The following PAFAH1B1 variants were observed in gnomAD, a reference collection of about 807,000 sequenced individuals.
The protein encoded by PAFAH1B1 is platelet-activating factor acetylhydrolase IB subunit beta.
In PAFAH1B1, 2 loss-of-function variants were observed where a neutral mutation model predicts 57.5. The ratio of observed to expected loss-of-function variants is 0.03; its 90% CI spans 0.01 to 0.11. The LOEUF is 0.11. Among genes scored for constraint, PAFAH1B1 ranks in the 10% least tolerant of loss-of-function variants. The pLI is 1.00. For synonymous variants in PAFAH1B1, 152 were observed against 169.6 expected (o/e 0.90, Z 0.81); for missense variants, 257 against 512.0 (o/e 0.50, Z 4.81).
At chr17:2,676,958 C>G (rs987362189) in intron 9 of PAFAH1B1, among the ~76,000 whole-genome samples, 1 of 151,860 alleles carries the variant, frequency 6.6e-6, no homozygotes, top group Non-Finnish European at 1.5e-5. Context: ...GTCAGGAGAT[C>G]GAGCTAACTT....
chr17:2,597,796 G>GTC (rs1555520415), intron 1 of PAFAH1B1, among the ~76,000 whole-genome samples: 9 of 151,812 alleles, frequency 5.9e-5, no homozygotes, highest in African/African-American at 9.7e-5. Context: ...GTGTGTGTGT[G>GTC]TGTCTGTCTG....
intron 1 of PAFAH1B1, among the ~76,000 whole-genome samples, chr17:2,622,570 T>C (rs2068437925): frequency 6.6e-6 from 1 of 152,316 alleles, no homozygotes; most frequent in East Asian, 1.9e-4. Flanking sequence ...CTTGGGCAGC[T>C]CTGCTCCTGC....
chr17:2,601,354 C>T (rs373231449), intron 1 of PAFAH1B1, among the ~76,000 whole-genome samples: 15 of 152,066 alleles, frequency 9.9e-5, no homozygotes, highest in East Asian at 9.7e-4. Flanking sequence ...AGGCTGGTCT[C>T]GAACTCCTGA....
intron 2 of PAFAH1B1, among the ~76,000 whole-genome samples, chr17:2,643,929 C>T (rs901068885): frequency 6.6e-6 from 1 of 152,250 alleles, no homozygotes; most frequent in Non-Finnish European, 1.5e-5. Flanking sequence ...AGTACAGTGG[C>T]GCAGTCAGAG....
At chr17:2,617,915 C>CTTT (rs2068368152) in intron 1 of PAFAH1B1, among the ~76,000 whole-genome samples, 1 of 151,284 alleles carries the variant, frequency 6.6e-6, no homozygotes, top group South Asian at 2.1e-4. Flanking sequence ...CAGAGCGAGA[C>CTTT]TCAGTCCCGC....
intron 1 of PAFAH1B1, among the ~76,000 whole-genome samples, chr17:2,604,352 A>C (rs1286343199): frequency 3.3e-5 from 5 of 152,142 alleles, no homozygotes; most frequent in African/African-American, 1.2e-4. Flanking sequence ...TTCTTAATAA[A>C]ATGATTAAAT....
At chr17:2,616,787 G>A (rs2068347229) in intron 1 of PAFAH1B1, among the ~76,000 whole-genome samples, 1 of 152,082 alleles carries the variant, frequency 6.6e-6, no homozygotes, top group African/African-American at 2.4e-5. Flanking sequence ...GGGCAGACCG[G>A]GTGCAGTGGC....
intron 1 of PAFAH1B1, among the ~76,000 whole-genome samples, chr17:2,615,936 A>G (rs946341420): frequency 6.6e-6 from 1 of 152,196 alleles, no homozygotes; most frequent in African/African-American, 2.4e-5. Flanking sequence ...CAAGGAGAGA[A>G]AAGTAAAGAG....
At chr17:2,614,951 T>C (rs1047697747) in intron 1 of PAFAH1B1, among the ~76,000 whole-genome samples, 1 of 152,160 alleles carries the variant, frequency 6.6e-6, no homozygotes, top group Non-Finnish European at 1.5e-5. Context: ...AAACAGTCAA[T>C]GTTTGTCCTC....
intron 1 of PAFAH1B1, among the ~76,000 whole-genome samples, chr17:2,594,905 T>TC (rs1433181525): frequency 1.3e-5 from 2 of 152,182 alleles, no homozygotes; most frequent in East Asian, 3.9e-4. Context: ...ACTCTGCACC[T>TC]CTAAACGTAG....
chr17:2,623,046 C>T (rs2068444369), intron 1 of PAFAH1B1, among the ~76,000 whole-genome samples: 1 of 152,188 alleles, frequency 6.6e-6, no homozygotes, highest in Non-Finnish European at 1.5e-5. Context: ...CCCTAGGCTG[C>T]ACACAGCATG....
intron 1 of PAFAH1B1, among the ~76,000 whole-genome samples, chr17:2,628,682 T>C (rs562576688): frequency 4.1e-4 from 62 of 152,314 alleles, no homozygotes; most frequent in African/African-American, 1.4e-3. Context: ...CTTCTTTGAA[T>C]GTCTGATAGA....
At position 2,684,039 on chromosome 17, in the gene PAFAH1B1, G is replaced by A. The variant is rs1041619895; in HGVS notation, c.*2237G>A. On this transcript the variant is annotated 3_prime_UTR_variant, in exon 11 of 11. Transcript: ENST00000397195. Reference sequence around the variant, plus strand: ...TCCCCTGCAGCACACAGCGACTTGCGTTGACAAAGGAGGAGGAAACGATTA... The same window carrying A: ...TCCCCTGCAGCACACAGCGACTTGCATTGACAAAGGAGGAGGAAACGATTA... 2.0e-5 allele frequency: 3 copies of A among 152,650 alleles called. No individual in the cohort carries two copies. The highest frequency in any genetic ancestry group is 4.4e-5 in the Non-Finnish European group (3 of 68,044). 9.5% of individuals were successfully genotyped at this position (152,650 alleles called of 1,614,324 possible).
At chr17:2,597,545 G>A (rs1200043206) in intron 1 of PAFAH1B1, among the ~76,000 whole-genome samples, 1 of 150,666 alleles carries the variant, frequency 6.6e-6, no homozygotes, top group East Asian at 1.9e-4. Flanking sequence ...TGAGTAGTTG[G>A]GATTACAGGT....
At chr17:2,668,849 T>G (rs1044974967) in intron 5 of PAFAH1B1, among the ~76,000 whole-genome samples, 1 of 149,228 alleles carries the variant, frequency 6.7e-6, no homozygotes, top group Non-Finnish European at 1.5e-5. Context: ...GATGGCGGGC[T>G]CCTGTAGTCC....
chr17:2,604,165 G>A (rs2068178055), intron 1 of PAFAH1B1, among the ~76,000 whole-genome samples: 1 of 152,048 alleles, frequency 6.6e-6, no homozygotes, highest in African/African-American at 2.4e-5. Context: ...AGCCTCCCGA[G>A]TAGCTGGGAT....
intron 2 of PAFAH1B1, among the ~76,000 whole-genome samples, chr17:2,664,690 CT>C (rs2069078236): frequency 4.6e-5 from 3 of 65,464 alleles, no homozygotes; most frequent in African/African-American, 1.2e-4. Flanking sequence ...CTCTCTCTCT[CT>C]CTTTCTCTCT....
intron 9 of PAFAH1B1, among the ~76,000 whole-genome samples, chr17:2,678,579 GAA>G (rs2069312365): frequency 6.6e-6 from 1 of 151,090 alleles, no homozygotes; most frequent in South Asian, 2.1e-4. Context: ...GAAAAAAAAA[GAA>G]AAGAAACAAG....
At chr17:2,607,144 C>G (rs2068215105) in intron 1 of PAFAH1B1, among the ~76,000 whole-genome samples, 1 of 148,436 alleles carries the variant, frequency 6.7e-6, no homozygotes, top group South Asian at 2.1e-4. Context: ...TTAAAGAAGG[C>G]ATTATTACAG....
Sources: gnomAD v4.1 joint callset for allele counts (sites outside exome capture counted in the v4.1 genomes callset) on GRCh38, gnomAD v4.1.1 for gene constraint, MANE v1.5 for transcripts, NCBI Gene and HGNC (gene_info 2026-07-23, HGNC 2026-07-21) for gene names.